UQCRH: variants seen among roughly 807,000 people sequenced by gnomAD.
The protein encoded by UQCRH is ubiquinol-cytochrome c reductase hinge protein.
A neutral mutation model predicts 16.3 loss-of-function variants in UQCRH; 14 were observed. That is an observed-to-expected ratio of 0.86 (90% CI 0.57 to 1.34). The LOEUF (loss-of-function observed/expected upper bound fraction) is 1.34. Ranked by LOEUF, UQCRH falls within the 40% of genes most tolerant of loss-of-function variation. The probability of loss-of-function intolerance (pLI) is 0.00; values close to 1 mark genes in which losing one functional copy is unlikely to be tolerated. For synonymous variants in UQCRH, 41 were observed against 41.9 expected (o/e 0.98, Z 0.08); for missense variants, 89 against 111.9 (o/e 0.80, Z 0.92).
At chr1:46,304,773 G>A (rs1007454531) in intron 1 of UQCRH, among the ~76,000 whole-genome samples, 1 of 152,282 alleles carries the variant, frequency 6.6e-6, no homozygotes, top group African/African-American at 2.4e-5. Context: ...CAAGCATAGA[G>A]GTTAAATATC....
intron 2 of UQCRH, 61 bp from the exon 3 acceptor site, chr1:46,310,094 A>T (rs1458382078): frequency 1.2e-6 from 2 of 1,609,160 alleles, no homozygotes; most frequent in East Asian, 2.2e-5. Flanking sequence ...ATCAAAGCAT[A>T]TGTGTTTGGT....
At chr1:46,310,984 G>C (rs1035980576) in intron 3 of UQCRH, among the ~76,000 whole-genome samples, 1 of 151,390 alleles carries the variant, frequency 6.6e-6, no homozygotes, top group African/African-American at 2.4e-5. Context: ...GGAGAATGGC[G>C]TGAACCCGGG....
chr1:46,310,171 TGA>T lies in UQCRH; in HGVS notation c.104_105del (p.Glu35AlafsTer19), dbSNP rs757022954. The T allele has an allele frequency of 1.2e-6, 2 of 1,614,084 alleles. No homozygotes were observed. Among genetic ancestry groups the T allele is most frequent in the Non-Finnish European group, 1.7e-6 (2 of 1,179,996 alleles). On this transcript the variant is annotated frameshift_variant, in exon 3 of 4. Coordinates refer to ENST00000311672, the MANE Select transcript of UQCRH (RefSeq NM_006004.4). LOFTEE classifies it high-confidence loss of function. ...CTACATCAGGATCCCCTAACAACAG[TGA>T]GAGAGCAATGCGAGCAGTTGGAGAA...
chr1:46,305,996 C>G (rs1180392953), intron 1 of UQCRH, among the ~76,000 whole-genome samples: 1 of 151,948 alleles, frequency 6.6e-6, no homozygotes, highest in Admixed American at 6.6e-5. Flanking sequence ...AGGGTTTCAC[C>G]GTGTTAGCCA....
rs752269029 is a variant in UQCRH at position 46,316,680 on chromosome 1, T to C, written c.*96T>C. 72 of 1,572,102 alleles carry C rather than the reference T, an allele frequency of 4.6e-5. No homozygotes were observed. The highest frequency in any genetic ancestry group is 6.2e-5 in the Non-Finnish European group (72 of 1,155,890). On this transcript the variant is annotated 3_prime_UTR_variant, in exon 4 of 4. Transcript: ENST00000311672. ...ACCATTTGTTTCTTATTTGTGTAAC[T>C]GTAAGTTCACATGAACCTCATGGGT...
At chr1:46,311,642 G>A (rs1661478734) in intron 3 of UQCRH, among the ~76,000 whole-genome samples, 1 of 151,596 alleles carries the variant, frequency 6.6e-6, no homozygotes, top group Non-Finnish European at 1.5e-5. Context: ...GCCCAGGCTG[G>A]AGTGCAGTGG....
chr1:46,316,710 CT>C lies in UQCRH; in HGVS notation c.*128del. 1 of 1,423,178 alleles carries C rather than the reference CT, an allele frequency of 7.0e-7. No individual in the cohort carries two copies. Among genetic ancestry groups the C allele is most frequent in the Non-Finnish European group, 9.5e-7 (1 of 1,050,480 alleles). The allele number at this position is 1,423,178 out of a possible 1,614,324, so 88.2% of individuals were successfully genotyped here. ...GTTCACATGAACCTCATGGGTTTGG[CT>C]TAGGCTGGTAGCTTCTATGTAATTC... On this transcript the variant is annotated 3_prime_UTR_variant, in exon 4 of 4. Transcript: ENST00000311672.
chr1:46,315,433 CAAAA>C lies in UQCRH; in HGVS notation c.244-1111_244-1108del, dbSNP rs200232349. 8.4e-4 allele frequency among the ~76,000 whole-genome samples: 119 copies of C among 142,276 alleles called. No individual in the cohort carries two copies. The East Asian group carries it at 0.013, about 16-fold the overall frequency. 93.3% of individuals were successfully genotyped at this position (142,276 alleles called of 152,430 possible). A position where few individuals can be genotyped will look rare whatever the true frequency, so the allele number is the denominator to read the frequency against. On this transcript the variant is annotated intron_variant, in intron 3 of 3. Coordinates refer to ENST00000311672, the MANE Select transcript of UQCRH (RefSeq NM_006004.4). ...GGGCAACAAGAGTGAAACTCTGTCTCAAAAAAAAAAATTAGCTGAGTGTGGTGGC... is the reference window on the plus strand; with the variant it reads ...GGGCAACAAGAGTGAAACTCTGTCTCAAAAAAATTAGCTGAGTGTGGTGGC...
At chr1:46,314,322 C>T (rs980540359) in intron 3 of UQCRH, among the ~76,000 whole-genome samples, 11 of 147,826 alleles carry the variant, frequency 7.4e-5, no homozygotes, top group East Asian at 2.0e-4. Flanking sequence ...GCTGAGATCA[C>T]GCCACTGCAC....
At chr1:46,309,920 T>TA (rs1661436819) in intron 2 of UQCRH, 2 of 1,426,490 alleles carry the variant, frequency 1.4e-6, no homozygotes, top group Non-Finnish European at 1.8e-6. Flanking sequence ...TTTCAGTGCA[T>TA]ACTGGCAACC....
At chr1:46,312,505 C>T (rs896051333) in intron 3 of UQCRH, among the ~76,000 whole-genome samples, 1 of 152,022 alleles carries the variant, frequency 6.6e-6, no homozygotes, top group African/African-American at 2.4e-5. Context: ...CTCATCTCAG[C>T]TTCCCAGAGT....
chr1:46,309,438 T>C, intron 2 of UQCRH: 1 of 320,470 alleles, frequency 3.1e-6, no homozygotes, highest in Non-Finnish European at 5.7e-6. Context: ...GTGCCTGTAA[T>C]CTCAGCACTT....
At position 46,303,700 on chromosome 1, in the gene UQCRH, T is replaced by C; in HGVS notation, c.-67T>C. 4 of 1,611,170 alleles carry C rather than the reference T, an allele frequency of 2.5e-6. No individual in the cohort carries two copies. The highest frequency in any genetic ancestry group is 3.4e-6 in the Non-Finnish European group (4 of 1,178,656). ...CCGCTGAGTGACCCTTACAAGTCCT[T>C]CTTGATCCTGAACTGGGTTAGGTGC... is the stretch of plus-strand genomic sequence containing the variant. On this transcript the variant is annotated 5_prime_UTR_variant, in exon 1 of 4. Coordinates refer to ENST00000311672, the MANE Select transcript of UQCRH (RefSeq NM_006004.4).
At chr1:46,313,354 C>T (rs1339889005) in intron 3 of UQCRH, among the ~76,000 whole-genome samples, 18 of 151,994 alleles carry the variant, frequency 1.2e-4, no homozygotes, top group African/African-American at 2.7e-4. Flanking sequence ...AAAAGCCGGG[C>T]GCGGTGGCTC....
chr1:46,313,355 G>A (rs908342098), intron 3 of UQCRH, among the ~76,000 whole-genome samples: 4 of 152,102 alleles, frequency 2.6e-5, no homozygotes, highest in Non-Finnish European at 5.9e-5. Flanking sequence ...AAAGCCGGGC[G>A]CGGTGGCTCA....
Position 46,316,656 on chromosome 1 carries a change from C to T in UQCRH, c.*72C>T. ...ATATTTCCTTATGGTTTTGGATGTA[C>T]CATTTGTTTCTTATTTGTGTAACTG... On this transcript the variant is annotated 3_prime_UTR_variant, in exon 4 of 4. Coordinates refer to ENST00000311672, the MANE Select transcript of UQCRH (RefSeq NM_006004.4). The T allele has an allele frequency of 1.9e-6, 3 of 1,596,908 alleles. No individual in the cohort carries two copies. The highest frequency in any genetic ancestry group is 2.6e-6 in the Non-Finnish European group (3 of 1,172,956).
chr1:46,304,920 T>C (rs1486023670), intron 1 of UQCRH, among the ~76,000 whole-genome samples: 1 of 152,220 alleles, frequency 6.6e-6, no homozygotes, highest in Non-Finnish European at 1.5e-5. Context: ...GTCCGTCTGT[T>C]CTCTGGTCAC....
At chr1:46,316,516 G>T in intron 3 of UQCRH, 36 bp from the exon 4 acceptor site, 1 of 1,613,476 alleles carries the variant, frequency 6.2e-7, no homozygotes, top group South Asian at 1.1e-5. Flanking sequence ...CATTAAAGCT[G>T]CCAATTGATT....
intron 3 of UQCRH, 62 bp downstream of exon 3, chr1:46,310,378 A>G (rs1661447896): frequency 1.2e-6 from 2 of 1,606,662 alleles, no homozygotes; most frequent in Non-Finnish European, 1.7e-6. Context: ...CTTGGTGCCA[A>G]CAATCTTTCC....
Sources: allele counts gnomAD v4.1 joint callset (sites outside exome capture counted in the v4.1 genomes callset), GRCh38; gene constraint gnomAD v4.1.1; transcripts MANE v1.5; gene names NCBI Gene and HGNC (gene_info 2026-07-23, HGNC 2026-07-21).